Variants in SGCD observed in about 807,000 individuals in gnomAD.
SGCD encodes the protein delta-sarcoglycan.
In SGCD, 18 loss-of-function variants were observed where a neutral mutation model predicts 36.6. The observed-to-expected ratio is 0.49, with a 90% CI of 0.34 to 0.73. The LOEUF (loss-of-function observed/expected upper bound fraction) is 0.73, where lower values mean the gene tolerates loss of function less well. Ranked by LOEUF, SGCD falls within the 30% of genes least tolerant of loss-of-function variation. SGCD has a pLI of 0.01. For missense variants in SGCD, 387 were observed against 346.7 expected (o/e 1.12, Z -0.92); for synonymous variants, 133 against 130.6 (o/e 1.02, Z -0.12).
rs1448814117 is a variant in SGCD at position 156,760,401 on chromosome 5, T to C, written c.*1011T>C. 6.6e-6 allele frequency: 1 copy of C among 152,228 alleles called. No homozygotes were observed. Among genetic ancestry groups the C allele is most frequent in the East Asian group, 1.9e-4 (1 of 5,196 alleles). The allele number at this position is 152,228 out of a possible 1,614,324, so 9.4% of individuals were successfully genotyped here. On this transcript the variant is annotated 3_prime_UTR_variant, in exon 9 of 9. Transcript: ENST00000337851. ...ATAAGGAACCTAATTATGTTTACCATGTTTCTTGGGATTGGTGGGAAATGT... is the reference window on the plus strand; with the variant it reads ...ATAAGGAACCTAATTATGTTTACCACGTTTCTTGGGATTGGTGGGAAATGT...
intron 8 of SGCD, among the ~76,000 whole-genome samples, chr5:156,758,389 G>T (rs1404824155): frequency 7.1e-6 from 1 of 140,824 alleles, no homozygotes. Flanking sequence ...AAATCTGTGT[G>T]TTTTTTTTTT....
intron 4 of SGCD, among the ~76,000 whole-genome samples, chr5:156,581,240 A>G (rs1385613948): frequency 1.3e-5 from 2 of 152,194 alleles, no homozygotes; most frequent in Admixed American, 1.3e-4. Flanking sequence ...GCTGCAGAAC[A>G]GCAAATATTG....
At chr5:156,604,825 A>G (rs543669681) in intron 6 of SGCD, among the ~76,000 whole-genome samples, 2 of 84,156 alleles carry the variant, frequency 2.4e-5, no homozygotes, top group South Asian at 8.0e-4. Context: ...ATACATATAT[A>G]CACAATATTC....
rs1757551227 is a variant in SGCD, at chr5:156,764,436, A to G, written c.*5046A>G. ...TGCTTCAGCCAGCACAGCACACCAC[A>G]CACGCTCGCACTTTCAAAAGCAATG... On this transcript the variant is annotated 3_prime_UTR_variant, in exon 9 of 9. Transcript: ENST00000337851. The G allele has an allele frequency of 6.6e-6, 1 of 152,620 alleles. No homozygotes were observed. Among genetic ancestry groups the G allele is most frequent in the Non-Finnish European group, 1.5e-5 (1 of 68,036 alleles). 9.5% of individuals were successfully genotyped at this position (152,620 alleles called of 1,614,324 possible). A position where few individuals can be genotyped will look rare whatever the true frequency, so the allele number is the denominator to read the frequency against.
the SGCD span, among the ~76,000 whole-genome samples, chr5:155,734,329 C>T: frequency 1.6e-4 from 25 of 151,830 alleles, no homozygotes; most frequent in East Asian, 1.5e-3. Context: ...TGCAGCCTTC[C>T]GAGTATCTGG....
At chr5:155,736,051 A>T in the SGCD span, among the ~76,000 whole-genome samples, 1 of 152,136 alleles carries the variant, frequency 6.6e-6, no homozygotes, top group African/African-American at 2.4e-5. Flanking sequence ...TACCCCTGGG[A>T]TGCTTTGGAG....
chr5:156,429,121 T>C lies in SGCD; in HGVS notation c.193-79480T>C, dbSNP rs188165323. On this transcript the variant is annotated intron_variant, in intron 3 of 8. Transcript: ENST00000337851. ...TTATTGAAGTCCCCCAGTGTTATTA[T>C]GTTGCTGTCTATCTCATTTCTTAGG... Among the ~76,000 whole-genome samples, 410 of 152,194 alleles carry C rather than the reference T, an allele frequency of 2.7e-3. 2 individuals are homozygous for C. The highest frequency in any genetic ancestry group is 2.8e-3 in the Non-Finnish European group (192 of 67,976).
At chr5:156,048,698 G>T (rs537403724) in intron 1 of SGCD, among the ~76,000 whole-genome samples, 1,609 of 151,880 alleles carry the variant, frequency 0.011, 10 homozygotes, top group African/African-American at 0.018. Context: ...TAAATTTGTT[G>T]GAGTTCATTG....
At chr5:155,909,132 TCTC>T (rs1378355928) in intron 1 of SGCD, among the ~76,000 whole-genome samples, 1 of 152,016 alleles carries the variant, frequency 6.6e-6, no homozygotes, top group Non-Finnish European at 1.5e-5. Flanking sequence ...TGTCTGCAAT[TCTC>T]CTACAGGTGC....
intron 3 of SGCD, among the ~76,000 whole-genome samples, chr5:156,505,780 AAC>A (rs56290159): frequency 0.35 from 52,732 of 150,016 alleles, 9,256 homozygotes; most frequent in Non-Finnish European, 0.38. Flanking sequence ...ATATACACCA[AAC>A]ACACACACAC....
In SGCD at chr5:156,369,824, G is replaced by T. The variant is rs563946393; in HGVS notation, c.192+25147G>T. ...AGAATGGATTGATGTGGGAAAAAAT[G>T]TCAACCTAGGAAGGCACACCAGAGA... On this transcript the variant is annotated intron_variant, in intron 3 of 8. Coordinates refer to ENST00000337851, the MANE Select transcript of SGCD (RefSeq NM_000337.6). Among the ~76,000 whole-genome samples the T allele has an allele frequency of 2.6e-5, 4 of 152,270 alleles. No homozygotes were observed. In the South Asian group the frequency reaches 8.3e-4, roughly 32 times the overall value.
chr5:156,668,735 C>A (rs1330321336), intron 7 of SGCD, among the ~76,000 whole-genome samples: 1 of 152,180 alleles, frequency 6.6e-6, no homozygotes, highest in Non-Finnish European at 1.5e-5. Flanking sequence ...GAAAGCCCAT[C>A]TCTTCTGTTA....
chr5:155,729,902 A>G, the SGCD span, among the ~76,000 whole-genome samples: 1 of 152,162 alleles, frequency 6.6e-6, no homozygotes, highest in Non-Finnish European at 1.5e-5. Context: ...GACTTGAGCC[A>G]TGGCCTTCCC....
chr5:156,526,043 C>T (rs75180367), intron 4 of SGCD, among the ~76,000 whole-genome samples: 2,972 of 152,076 alleles, frequency 0.02, 43 homozygotes, highest in Non-Finnish European at 0.029. Flanking sequence ...TTTTGTTCTT[C>T]TTGGTTTTGA....
chr5:155,994,851 G>A (rs978973819), intron 1 of SGCD, among the ~76,000 whole-genome samples: 7 of 152,290 alleles, frequency 4.6e-5, no homozygotes, highest in Middle Eastern at 3.4e-3. Flanking sequence ...TAGGGGCTGC[G>A]CTGAGCATGT....
At chr5:155,742,750 A>G in the SGCD span, among the ~76,000 whole-genome samples, 2 of 152,138 alleles carry the variant, frequency 1.3e-5, no homozygotes, top group East Asian at 3.9e-4. Flanking sequence ...AGATCCCACA[A>G]GTTAAGGGCT....
Position 156,401,791 on chromosome 5 carries a change from T to C in SGCD, c.192+57114T>C, listed in dbSNP as rs73812233. On this transcript the variant is annotated intron_variant, in intron 3 of 8. Transcript: ENST00000337851. ...AAAATTTTCATAAACTATACATAAA[T>C]TCATGATTTTAACCATTTTCAAGTA... Among the ~76,000 whole-genome samples, 1,321 of 152,246 alleles carry C rather than the reference T, an allele frequency of 8.7e-3. 25 individuals are homozygous for C. The highest frequency in any genetic ancestry group is 0.03 in the African/African-American group (1,254 of 41,532).
intron 3 of SGCD, among the ~76,000 whole-genome samples, chr5:156,163,562 G>T (rs901061107): frequency 6.6e-6 from 1 of 151,484 alleles, no homozygotes; most frequent in South Asian, 2.1e-4. Flanking sequence ...CTAGATAATG[G>T]CTTCTTTTAT....
At chr5:156,101,902 CTGTGTGTGTG>C (rs36187985) in intron 1 of SGCD, among the ~76,000 whole-genome samples, 9 of 108,046 alleles carry the variant, frequency 8.3e-5, no homozygotes, top group African/African-American at 3.5e-4. Context: ...GTGTCTCCAG[CTGTGTGTGTG>C]TGTGTGTGTG....
Sources: gnomAD v4.1 joint callset for allele counts (sites outside exome capture counted in the v4.1 genomes callset) on GRCh38, gnomAD v4.1.1 for gene constraint, MANE v1.5 for transcripts, NCBI Gene and HGNC (gene_info 2026-07-23, HGNC 2026-07-21) for gene names.